SNCAIP: variants seen among roughly 807,000 people sequenced by gnomAD.
SNCAIP encodes synphilin-1.
A neutral mutation model predicts 86.7 loss-of-function variants in SNCAIP; 43 were observed. The ratio of observed to expected loss-of-function variants is 0.50; its 90% CI spans 0.39 to 0.64. The LOEUF (loss-of-function observed/expected upper bound fraction) is 0.64, where lower values mean the gene tolerates loss of function less well. SNCAIP is among the 30% of genes least tolerant of loss of function. The probability of loss-of-function intolerance (pLI) is 0.00; values close to 1 mark genes in which losing one functional copy is unlikely to be tolerated. For synonymous variants in SNCAIP, 417 were observed against 427.2 expected (o/e 0.98, Z 0.29); for missense variants, 981 against 1,103.1 (o/e 0.89, Z 1.57).
chr5:122,381,052 T>C (rs1432733418), intron 1 of SNCAIP, among the ~76,000 whole-genome samples: 1 of 150,384 alleles, frequency 6.6e-6, no homozygotes, highest in Non-Finnish European at 1.5e-5. Flanking sequence ...AGATGTCTAT[T>C]AGGTCCGCTT....
At chr5:122,311,985 C>T (rs1165356919), upstream of SNCAIP, 1 of 148,298 alleles carries the variant, frequency 6.7e-6, no homozygotes, top group Non-Finnish European at 1.5e-5. Flanking sequence ...CCGGCAGCCT[C>T]CGCAGTGGCA....
chr5:122,385,128 T>C (rs910791581), intron 1 of SNCAIP, among the ~76,000 whole-genome samples: 1 of 152,190 alleles, frequency 6.6e-6, no homozygotes, highest in Non-Finnish European at 1.5e-5. Flanking sequence ...ATTGGGTGCC[T>C]CAGCCTGCTG....
intron 2 of SNCAIP, among the ~76,000 whole-genome samples, chr5:122,397,409 C>A (rs1021697415): frequency 6.6e-6 from 1 of 152,076 alleles, no homozygotes; most frequent in African/African-American, 2.4e-5. Context: ...ATTAAATTAA[C>A]ATTGCAATAG....
chr5:122,430,461 A>T (rs1778188477), intron 5 of SNCAIP, among the ~76,000 whole-genome samples: 1 of 152,214 alleles, frequency 6.6e-6, no homozygotes, highest in South Asian at 2.1e-4. Flanking sequence ...AGTTACTATT[A>T]TCCCTGCTAT....
At chr5:122,401,481 A>G (rs1771802285) in intron 2 of SNCAIP, among the ~76,000 whole-genome samples, 2 of 152,184 alleles carry the variant, frequency 1.3e-5, no homozygotes, top group African/African-American at 4.8e-5. Flanking sequence ...CTTGTTCACA[A>G]TGTAGATTAG....
chr5:122,378,321 G>T (rs1362344196), intron 1 of SNCAIP, among the ~76,000 whole-genome samples: 1 of 136,762 alleles, frequency 7.3e-6, no homozygotes, highest in Admixed American at 7.1e-5. Context: ...TGTGTTTTTT[G>T]GCTGCATAAA....
At chr5:122,427,371 G>A (rs1415442890) in intron 5 of SNCAIP, among the ~76,000 whole-genome samples, 1 of 119,776 alleles carries the variant, frequency 8.3e-6, no homozygotes, top group Non-Finnish European at 1.9e-5. Context: ...AACTTAAACA[G>A]CAGTGTTTTT....
At chr5:122,350,612 A>T (rs1053337642) in intron 1 of SNCAIP, among the ~76,000 whole-genome samples, 1 of 151,912 alleles carries the variant, frequency 6.6e-6, no homozygotes, top group Non-Finnish European at 1.5e-5. Flanking sequence ...CTCATTACTG[A>T]CCAACCTTAC....
At chr5:122,383,203 C>T (rs1208885184) in intron 1 of SNCAIP, among the ~76,000 whole-genome samples, 3 of 152,220 alleles carry the variant, frequency 2.0e-5, no homozygotes, top group South Asian at 2.1e-4. Flanking sequence ...ACTCCGTGGG[C>T]GTAGGACCCT....
intron 3 of SNCAIP, among the ~76,000 whole-genome samples, chr5:122,416,009 T>C (rs1775237788): frequency 6.6e-6 from 1 of 152,242 alleles, no homozygotes; most frequent in South Asian, 2.1e-4. Flanking sequence ...TGCTGTTCTA[T>C]GGAAACTGTA....
At chr5:122,393,050 G>A (rs191456285) in intron 2 of SNCAIP, among the ~76,000 whole-genome samples, 277 of 152,138 alleles carry the variant, frequency 1.8e-3, no homozygotes, top group African/African-American at 6.1e-3. Flanking sequence ...AACTAAAACC[G>A]TTTAGCAAAC....
Position 122,452,993 on chromosome 5 carries a change from A to G in SNCAIP, c.2754+1392A>G. On this transcript the variant is annotated intron_variant, in intron 10 of 10. Transcript: ENST00000261368. ...TTGAAGAGCATCTGTGTAACGACAC[A>G]CGGTACGTGGTGCTAGGAGATATGC... 1.3e-6 allele frequency: 2 copies of G among 1,540,164 alleles called. 1 individual carries two copies. The highest frequency in any genetic ancestry group is 2.4e-5 in the South Asian group (2 of 83,812).
chr5:122,370,679 G>A (rs892085252), intron 1 of SNCAIP, among the ~76,000 whole-genome samples: 2 of 152,042 alleles, frequency 1.3e-5, no homozygotes, highest in Non-Finnish European at 2.9e-5. Flanking sequence ...AATGTGTGCT[G>A]TTTCTCTAGT....
intron 7 of SNCAIP, chr5:122,441,234 C>T (rs999169154): frequency 1.2e-5 from 2 of 170,654 alleles, no homozygotes; most frequent in African/African-American, 4.8e-5. Flanking sequence ...CTGTAGTTCC[C>T]CCTTTCTCTG....
At chr5:122,330,117 C>CTTTTTTT (rs1212303157) in intron 1 of SNCAIP, among the ~76,000 whole-genome samples, 2,609 of 96,754 alleles carry the variant, frequency 0.027, 509 homozygotes, top group African/African-American at 0.11. Flanking sequence ...AACTTCATTT[C>CTTTTTTT]TTTTTTTTTT....
intron 1 of SNCAIP, among the ~76,000 whole-genome samples, chr5:122,333,158 A>G (rs185516305): frequency 4.6e-5 from 7 of 152,362 alleles, no homozygotes; most frequent in African/African-American, 1.7e-4. Context: ...TGTTTCTGTA[A>G]TTGTAAAATG....
At chr5:122,413,070 G>A (rs1774486574) in intron 3 of SNCAIP, among the ~76,000 whole-genome samples, 1 of 152,170 alleles carries the variant, frequency 6.6e-6, no homozygotes, top group African/African-American at 2.4e-5. Flanking sequence ...TGGAATTAGT[G>A]TCTTACCAAA....
At chr5:122,414,375 CAT>C (rs1774833746) in intron 3 of SNCAIP, among the ~76,000 whole-genome samples, 6 of 150,104 alleles carry the variant, frequency 4.0e-5, no homozygotes, top group Non-Finnish European at 7.4e-5. Context: ...GGATTACAGG[CAT>C]GCACCACCAT....
intron 2 of SNCAIP, among the ~76,000 whole-genome samples, chr5:122,394,254 A>G (rs973663592): frequency 3.2e-4 from 49 of 152,124 alleles, no homozygotes; most frequent in Non-Finnish European, 4.4e-5. Flanking sequence ...CTATAGCCCT[A>G]TTACATAGTC....
Sources: allele counts gnomAD v4.1 joint callset (sites outside exome capture counted in the v4.1 genomes callset), GRCh38; gene constraint gnomAD v4.1.1; transcripts MANE v1.5; gene names NCBI Gene and HGNC (gene_info 2026-07-23, HGNC 2026-07-21).